SEMA5A: variants seen among roughly 807,000 people sequenced by gnomAD.
SEMA5A encodes semaphorin 5A, also known as semaphorin-5A.
In SEMA5A, 55 loss-of-function variants were observed where a neutral mutation model predicts 135.5. That is an observed-to-expected ratio of 0.41 (90% CI 0.33 to 0.51). The LOEUF is 0.51. SEMA5A is among the 20% of genes least tolerant of loss of function. SEMA5A has a pLI of 0.37. For missense variants in SEMA5A, 1,290 were observed against 1,419.9 expected (o/e 0.91, Z 1.47); for synonymous variants, 580 against 546.5 (o/e 1.06, Z -0.85).
intron 2 of SEMA5A, among the ~76,000 whole-genome samples, chr5:9,429,625 C>A (rs1201456478): frequency 6.6e-6 from 1 of 152,168 alleles, no homozygotes; most frequent in Non-Finnish European, 1.5e-5. Flanking sequence ...TATCTCCTGA[C>A]AAGGTAAGAG....
At chr5:9,513,733 T>C (rs1488056555) in intron 1 of SEMA5A, among the ~76,000 whole-genome samples, 1 of 152,192 alleles carries the variant, frequency 6.6e-6, no homozygotes, top group Non-Finnish European at 1.5e-5. Context: ...CTTCAGAATA[T>C]TTTTACGTTT....
At chr5:9,165,547 A>T (rs1743558622) in intron 11 of SEMA5A, among the ~76,000 whole-genome samples, 1 of 152,184 alleles carries the variant, frequency 6.6e-6, no homozygotes, top group African/African-American at 2.4e-5. Flanking sequence ...AAGGCTGGAG[A>T]TTCATGTGGA....
At chr5:9,353,632 TC>T (rs1334848796) in intron 3 of SEMA5A, among the ~76,000 whole-genome samples, 1 of 152,158 alleles carries the variant, frequency 6.6e-6, no homozygotes, top group Non-Finnish European at 1.5e-5. Flanking sequence ...GAGGAGCACT[TC>T]CACAATATTG....
chr5:9,119,165 T>A (rs777324469), intron 14 of SEMA5A, 24 bp from the exon 15 acceptor site: 2 of 1,610,100 alleles, frequency 1.2e-6, no homozygotes, highest in South Asian at 2.2e-5. Context: ...AGCAATGCAA[T>A]CATTAGGTCC....
At chr5:9,346,215 G>A (rs564888363) in intron 3 of SEMA5A, among the ~76,000 whole-genome samples, 2 of 152,144 alleles carry the variant, frequency 1.3e-5, no homozygotes, top group African/African-American at 4.8e-5. Context: ...ACAGTTTGAT[G>A]GTGTAACTTT....
chr5:9,167,855 C>G (rs927975520), intron 11 of SEMA5A, among the ~76,000 whole-genome samples: 1 of 152,272 alleles, frequency 6.6e-6, no homozygotes, highest in South Asian at 2.1e-4. Context: ...TCTCGGGATA[C>G]AGTAGGCCGT....
At chr5:9,222,321 A>G (rs779537257) in intron 8 of SEMA5A, among the ~76,000 whole-genome samples, 1 of 152,186 alleles carries the variant, frequency 6.6e-6, no homozygotes, top group African/African-American at 2.4e-5. Context: ...GAGTGGAAAT[A>G]GTATCTCAGG....
At chr5:9,284,577 C>A (rs1750700398) in intron 5 of SEMA5A, among the ~76,000 whole-genome samples, 1 of 151,640 alleles carries the variant, frequency 6.6e-6, no homozygotes, top group Non-Finnish European at 1.5e-5. Flanking sequence ...CATATTTCAT[C>A]AATTTTTTTT....
At chr5:9,355,293 G>T in intron 3 of SEMA5A, among the ~76,000 whole-genome samples, 1 of 152,148 alleles carries the variant, frequency 6.6e-6, no homozygotes, top group East Asian at 1.9e-4. Context: ...CAAGGGGGAG[G>T]CATGAGCTGC....
intron 3 of SEMA5A, chr5:9,363,334 A>C (rs1754778242): frequency 6.6e-6 from 1 of 152,214 alleles, no homozygotes; most frequent in African/African-American, 2.4e-5. Context: ...ACAGAAGAAA[A>C]GAACAAACAG....
At chr5:9,193,535 C>T (rs1335228901) in intron 10 of SEMA5A, among the ~76,000 whole-genome samples, 1 of 152,186 alleles carries the variant, frequency 6.6e-6, no homozygotes, top group Non-Finnish European at 1.5e-5. Flanking sequence ...CCCACAATCA[C>T]CTAACCTCCT....
chr5:9,147,372 A>T (rs183330038), intron 12 of SEMA5A, among the ~76,000 whole-genome samples: 1 of 152,060 alleles, frequency 6.6e-6, no homozygotes, highest in East Asian at 1.9e-4. Flanking sequence ...TCCTGGGTTT[A>T]AGCGATTCTC....
At chr5:9,110,035 G>A (rs1188087858) in intron 15 of SEMA5A, among the ~76,000 whole-genome samples, 1 of 152,120 alleles carries the variant, frequency 6.6e-6, no homozygotes, top group African/African-American at 2.4e-5. Context: ...CCAAGCTGAG[G>A]GGTGCTGACG....
intron 1 of SEMA5A, among the ~76,000 whole-genome samples, chr5:9,516,396 C>T (rs779039187): frequency 2.0e-5 from 3 of 152,028 alleles, no homozygotes; most frequent in Non-Finnish European, 4.4e-5. Context: ...GGAAGCAGCA[C>T]TTAGAATCTC....
intron 8 of SEMA5A, among the ~76,000 whole-genome samples, chr5:9,217,453 T>G (rs1746692496): frequency 6.6e-6 from 1 of 152,212 alleles, no homozygotes; most frequent in Non-Finnish European, 1.5e-5. Context: ...ATGGAAAATC[T>G]GATGACTGTG....
At chr5:9,121,484 A>G (rs1241172000) in intron 14 of SEMA5A, among the ~76,000 whole-genome samples, 1 of 152,276 alleles carries the variant, frequency 6.6e-6, no homozygotes, top group East Asian at 1.9e-4. Flanking sequence ...AGACAGATCG[A>G]TAAATAAGTT....
chr5:9,120,802 C>T (rs1740774307), intron 14 of SEMA5A, among the ~76,000 whole-genome samples: 1 of 141,396 alleles, frequency 7.1e-6, no homozygotes, highest in Admixed American at 7.2e-5. Flanking sequence ...TTTTTTGAGA[C>T]AGAGTCTCGC....
At chr5:9,380,872 C>G (rs1755571186) in intron 2 of SEMA5A, among the ~76,000 whole-genome samples, 1 of 151,774 alleles carries the variant, frequency 6.6e-6, no homozygotes, top group Non-Finnish European at 1.5e-5. Flanking sequence ...GGGCTCAAAT[C>G]TGAGTGTAAT....
intron 16 of SEMA5A, among the ~76,000 whole-genome samples, chr5:9,100,025 G>T: frequency 6.6e-6 from 1 of 152,290 alleles, no homozygotes; most frequent in East Asian, 1.9e-4. Flanking sequence ...GCAAGAATTG[G>T]TCCACACAAT....
Sources: allele counts gnomAD v4.1 joint callset (sites outside exome capture counted in the v4.1 genomes callset), GRCh38; gene constraint gnomAD v4.1.1; transcripts MANE v1.5; gene names NCBI Gene and HGNC (gene_info 2026-07-23, HGNC 2026-07-21).